The following PDZRN4 variants were observed in gnomAD, a reference collection of about 807,000 sequenced individuals.
The protein encoded by PDZRN4 is PDZ domain-containing RING finger protein 4.
Under a neutral mutation model 99.0 loss-of-function variants are expected in PDZRN4, and 70 were observed. That is an observed-to-expected ratio of 0.71 (90% confidence interval 0.58 to 0.86). The LOEUF (loss-of-function observed/expected upper bound fraction) is 0.86. PDZRN4 is among the 40% of genes least tolerant of loss of function. The pLI is 0.00. For synonymous variants in PDZRN4, 551 were observed against 501.6 expected (o/e 1.10, Z -1.32); for missense variants, 1,474 against 1,331.2 (o/e 1.11, Z -1.67).
intron 3 of PDZRN4, among the ~76,000 whole-genome samples, chr12:41,243,526 G>A (rs1223251881): frequency 6.6e-6 from 1 of 152,122 alleles, no homozygotes; most frequent in Non-Finnish European, 1.5e-5. Flanking sequence ...TGATATCACG[G>A]CATTTGAATA....
intron 3 of PDZRN4, among the ~76,000 whole-genome samples, chr12:41,496,865 C>A (rs947468097): frequency 1.3e-5 from 2 of 152,130 alleles, no homozygotes; most frequent in African/African-American, 2.4e-5. Flanking sequence ...AACACAATTT[C>A]CAGTTTCTTA....
chr12:41,550,568 T>A (rs1939035323), intron 5 of PDZRN4, among the ~76,000 whole-genome samples: 1 of 152,170 alleles, frequency 6.6e-6, no homozygotes, highest in Admixed American at 6.5e-5. Flanking sequence ...TTTCACTGTT[T>A]CCTAGTCTAC....
At chr12:41,559,294 T>C (rs1200703368) in intron 7 of PDZRN4, among the ~76,000 whole-genome samples, 1 of 152,222 alleles carries the variant, frequency 6.6e-6, no homozygotes, top group Non-Finnish European at 1.5e-5. Flanking sequence ...GTTGTGGTTC[T>C]CCTGTGTTTT....
chr12:41,571,553 T>C (rs1046690720), intron 9 of PDZRN4, among the ~76,000 whole-genome samples: 1 of 152,214 alleles, frequency 6.6e-6, no homozygotes, highest in Admixed American at 6.5e-5. Flanking sequence ...AATTTATCTT[T>C]GAAAAAAAAT....
At chr12:41,482,213 G>A (rs1032278355) in intron 3 of PDZRN4, among the ~76,000 whole-genome samples, 3 of 152,124 alleles carry the variant, frequency 2.0e-5, no homozygotes, top group South Asian at 2.1e-4. Flanking sequence ...AAAACCTAAG[G>A]TGGAAAGAAA....
At chr12:41,261,867 A>C (rs1383042961) in intron 3 of PDZRN4, among the ~76,000 whole-genome samples, 1 of 152,174 alleles carries the variant, frequency 6.6e-6, no homozygotes, top group Non-Finnish European at 1.5e-5. Flanking sequence ...AATGAAGTGT[A>C]ATGTAAGAAA....
At chr12:41,335,756 A>G (rs1317208503) in intron 3 of PDZRN4, among the ~76,000 whole-genome samples, 1 of 152,130 alleles carries the variant, frequency 6.6e-6, no homozygotes, top group Non-Finnish European at 1.5e-5. Context: ...TCCAAGGTGT[A>G]TACTTGTGAA....
At chr12:41,276,098 G>T (rs374540805) in intron 3 of PDZRN4, among the ~76,000 whole-genome samples, 3 of 152,220 alleles carry the variant, frequency 2.0e-5, no homozygotes, top group African/African-American at 7.2e-5. Context: ...GGACATTCTC[G>T]ATAGGGATGA....
intron 3 of PDZRN4, among the ~76,000 whole-genome samples, chr12:41,222,506 A>G (rs775853896): frequency 3.3e-5 from 5 of 152,030 alleles, no homozygotes; most frequent in Non-Finnish European, 2.9e-5. Context: ...TCTAAAATGT[A>G]ATATATTACT....
intron 3 of PDZRN4, among the ~76,000 whole-genome samples, chr12:41,241,300 C>A (rs1262504356): frequency 6.6e-6 from 1 of 152,114 alleles, no homozygotes; most frequent in Non-Finnish European, 1.5e-5. Flanking sequence ...ATAAAGGATA[C>A]CAGGGATTAA....
In PDZRN4 at chr12:41,567,831, T is replaced by A. The variant is rs750272660; in HGVS notation, c.1516T>A (p.Leu506Ile). 6.2e-7 allele frequency: 1 copy of A among 1,613,322 alleles called. No homozygotes were observed. Among genetic ancestry groups the A allele is most frequent in the South Asian group, 1.1e-5 (1 of 90,996 alleles). ...TGAAAGGAATGAATTCTTAGAGGAG[T>A]TAAACTTGGAGATGTTGGAAGAAGA... ...EDERNEFLEE[L>I]NLEMLEEEHN... Residue 506 changes from leucine to isoleucine, a missense_variant, in exon 9 of 10, where the codon TTA becomes ATA. By Grantham distance (5) the Leu-to-Ile change is conservative (BLOSUM62 2). Coordinates refer to ENST00000402685, the MANE Select transcript of PDZRN4 (RefSeq NM_001164595.2).
intron 3 of PDZRN4, among the ~76,000 whole-genome samples, chr12:41,272,564 T>C (rs1951321824): frequency 6.6e-6 from 1 of 152,078 alleles, no homozygotes; most frequent in African/African-American, 2.4e-5. Flanking sequence ...TATATACCTA[T>C]ACTATCAGTT....
chr12:41,417,885 T>C (rs1845087992), intron 3 of PDZRN4, among the ~76,000 whole-genome samples: 1 of 152,082 alleles, frequency 6.6e-6, no homozygotes, highest in Non-Finnish European at 1.5e-5. Flanking sequence ...CACACTTTCA[T>C]ATATATATAG....
rs192901968 is a variant in PDZRN4 at position 41,343,855 on chromosome 12, T to C, written c.843+149667T>C. 3.3e-5 allele frequency among the ~76,000 whole-genome samples: 5 copies of C among 152,100 alleles called. No homozygotes were observed. The East Asian group carries it at 9.6e-4, about 29-fold the overall frequency. On this transcript the variant is annotated intron_variant, in intron 3 of 9. Coordinates refer to ENST00000402685, the MANE Select transcript of PDZRN4 (RefSeq NM_001164595.2). ...AACATCAAATTGTACCCTATAAATA[T>C]GTATAAGTACAATGTGCCAATAAAA...
chr12:41,453,473 G>A (rs958233738), intron 3 of PDZRN4, among the ~76,000 whole-genome samples: 2 of 152,188 alleles, frequency 1.3e-5, no homozygotes, highest in Non-Finnish European at 2.9e-5. Flanking sequence ...GACTTTGAAA[G>A]TCTGACCTGC....
At chr12:41,335,483 C>T (rs547471559) in intron 3 of PDZRN4, among the ~76,000 whole-genome samples, 4 of 152,026 alleles carry the variant, frequency 2.6e-5, no homozygotes, top group South Asian at 2.1e-4. Context: ...CTCTTAGCTA[C>T]GTTAATTATT....
chr12:41,444,835 T>TA (rs1240052321), intron 3 of PDZRN4, among the ~76,000 whole-genome samples: 3 of 152,078 alleles, frequency 2.0e-5, no homozygotes, highest in Non-Finnish European at 4.4e-5. Flanking sequence ...ATATAGTGAT[T>TA]AAAAAATAAA....
At chr12:41,567,103 A>G (rs1338408927) in intron 8 of PDZRN4, among the ~76,000 whole-genome samples, 3 of 152,304 alleles carry the variant, frequency 2.0e-5, no homozygotes, top group African/African-American at 7.2e-5. Context: ...ACACCACTCC[A>G]CCACCCTTAA....
At chr12:41,383,562 C>T (rs1952141907) in intron 3 of PDZRN4, among the ~76,000 whole-genome samples, 1 of 151,876 alleles carries the variant, frequency 6.6e-6, no homozygotes, top group Admixed American at 6.5e-5. Flanking sequence ...AACTCCTTCT[C>T]CTGCAGAATC....
Sources: gnomAD v4.1 joint callset for allele counts (sites outside exome capture counted in the v4.1 genomes callset) on GRCh38, gnomAD v4.1.1 for gene constraint, MANE v1.5 for transcripts, NCBI Gene and HGNC (gene_info 2026-07-23, HGNC 2026-07-21) for gene names.